Variants in FOCAD observed in about 807,000 individuals in gnomAD.
The protein encoded by FOCAD is KIAA1797.
In FOCAD, 198 loss-of-function variants were observed where a neutral mutation model predicts 225.6. That is an observed-to-expected ratio of 0.88 (90% CI 0.78 to 0.99). The LOEUF (loss-of-function observed/expected upper bound fraction) is 0.99. FOCAD is among the 50% of genes least tolerant of loss of function. The probability of loss-of-function intolerance (pLI) is 0.00; values close to 1 mark genes in which losing one functional copy is unlikely to be tolerated. For missense variants in FOCAD, 2,713 were observed against 2,123.6 expected, an observed-to-expected ratio of 1.28 and a Z score of -5.46; for synonymous variants, 897 against 755.0, an observed-to-expected ratio of 1.19 and a Z score of -3.08.
At chr9:20,987,061 C>G (rs1359027247) in intron 40 of FOCAD, among the ~76,000 whole-genome samples, 1 of 152,190 alleles carries the variant, frequency 6.6e-6, no homozygotes, top group African/African-American at 2.4e-5. Context: ...TTTACAATTT[C>G]TGGAGACTAC....
At chr9:20,832,058 T>C (rs1161012439) in intron 15 of FOCAD, among the ~76,000 whole-genome samples, 1 of 152,130 alleles carries the variant, frequency 6.6e-6, no homozygotes, top group Non-Finnish European at 1.5e-5. Flanking sequence ...GGTTGAGTAA[T>C]ACTGTGTTGT....
At chr9:20,708,688 A>T (rs1255084995) in intron 1 of FOCAD, among the ~76,000 whole-genome samples, 1 of 151,984 alleles carries the variant, frequency 6.6e-6, no homozygotes, top group East Asian at 1.9e-4. Context: ...GGATGGGCGG[A>T]TCACTTGAGC....
chr9:20,689,289 C>T (rs1020426977), intron 1 of FOCAD, among the ~76,000 whole-genome samples: 1 of 152,062 alleles, frequency 6.6e-6, no homozygotes, highest in Non-Finnish European at 1.5e-5. Context: ...ACTGGTGGTG[C>T]ATTCGATGAA....
At chr9:20,967,309 T>C (rs1213775448) in intron 35 of FOCAD, among the ~76,000 whole-genome samples, 1 of 152,158 alleles carries the variant, frequency 6.6e-6, no homozygotes, top group Non-Finnish European at 1.5e-5. Context: ...TAAATTTCTT[T>C]TTCAGATTAT....
At chr9:20,668,429 T>G (rs1821958827) in intron 2 of FOCAD, among the ~76,000 whole-genome samples, 1 of 152,214 alleles carries the variant, frequency 6.6e-6, no homozygotes, top group Non-Finnish European at 1.5e-5. Context: ...TATTATACTG[T>G]GCAATAAAAT....
intron 5 of FOCAD, among the ~76,000 whole-genome samples, chr9:20,755,118 C>A (rs1432512016): frequency 6.6e-6 from 1 of 152,118 alleles, no homozygotes; most frequent in Non-Finnish European, 1.5e-5. Flanking sequence ...CTTATACTTC[C>A]CTTTTCCCTC....
intron 1 of FOCAD, among the ~76,000 whole-genome samples, chr9:20,712,386 A>T (rs1223809315): frequency 6.6e-6 from 1 of 152,188 alleles, no homozygotes; most frequent in Non-Finnish European, 1.5e-5. Context: ...CAAGCTGGGC[A>T]TGGTGGCTCA....
intron 5 of FOCAD, among the ~76,000 whole-genome samples, chr9:20,745,328 G>A (rs531703987): frequency 3.9e-5 from 6 of 152,082 alleles, no homozygotes; most frequent in Non-Finnish European, 8.8e-5. Flanking sequence ...GAGCTCAAGC[G>A]ATCCACCTGC....
rs144386102 is a variant in FOCAD at position 20,781,887 on chromosome 9, G to A, written c.1155G>A (p.Leu385=). 3 of 1,613,976 alleles carry A rather than the reference G, an allele frequency of 1.9e-6. No individual in the cohort carries two copies. In the African/African-American group the frequency reaches 4.0e-5, roughly 22 times the overall value. The change falls in exon 10 of 44, where the codon TTG becomes TTA. Residue 385 remains leucine (L), a synonymous_variant. Coordinates refer to ENST00000338382, the MANE Select transcript of FOCAD (RefSeq NM_001375567.1). ...PSRQQLALNL[L]EMIQQECYRD... ...GGCAGCAGTTGGCTCTAAACCTTTT[G>A]GAAATGATACAGCAGGAATGTTACA...
At chr9:20,823,160 T>C (rs1348014656) in intron 15 of FOCAD, 45 bp downstream of exon 15, 1 of 1,574,648 alleles carries the variant, frequency 6.4e-7, no homozygotes, top group Non-Finnish European at 8.6e-7. Flanking sequence ...AGAAAATCTT[T>C]TATAAGGCAG....
Position 20,800,270 on chromosome 9 carries a change from T to C in FOCAD, c.1455+10662T>C, listed in dbSNP as rs539604112. Among the ~76,000 whole-genome samples the C allele has an allele frequency of 1.8e-4, 27 of 152,288 alleles. 1 individual carries two copies. The East Asian group carries it at 4.9e-3, about 27-fold the overall frequency. ...GGGTATCCCGACCTTTCTCTCTGGC[T>C]TCCCTTAACATTTTTTCCTTCATTT... On this transcript the variant is annotated intron_variant, in intron 11 of 43. Transcript: ENST00000338382.
chr9:20,832,506 A>G (rs1825601914), intron 15 of FOCAD, among the ~76,000 whole-genome samples: 1 of 152,066 alleles, frequency 6.6e-6, no homozygotes, highest in African/African-American at 2.4e-5. Context: ...TGGAGAATGG[A>G]GTAATCATCC....
chr9:20,847,259 A>G (rs1299092203), intron 15 of FOCAD, among the ~76,000 whole-genome samples: 2 of 152,030 alleles, frequency 1.3e-5, no homozygotes, highest in African/African-American at 4.8e-5. Flanking sequence ...TACACAACCA[A>G]TAATCTACTT....
chr9:20,677,590 G>A (rs1439934298), intron 2 of FOCAD, among the ~76,000 whole-genome samples: 1 of 152,054 alleles, frequency 6.6e-6, no homozygotes, highest in Non-Finnish European at 1.5e-5. Flanking sequence ...CATACAAATG[G>A]CCAATAGATA....
At chr9:20,799,889 T>TA (rs1821599048) in intron 11 of FOCAD, among the ~76,000 whole-genome samples, 1 of 152,148 alleles carries the variant, frequency 6.6e-6, no homozygotes, top group Non-Finnish European at 1.5e-5. Context: ...ATCCTGTCAT[T>TA]ATGATGTTAG....
intron 1 of FOCAD, among the ~76,000 whole-genome samples, chr9:20,701,249 T>C (rs1823917479): frequency 6.6e-6 from 1 of 152,236 alleles, no homozygotes; most frequent in Non-Finnish European, 1.5e-5. Context: ...GGCTTCCTTT[T>C]GATCTTCCTG....
At chr9:20,985,286 G>T (rs1841055944) in intron 39 of FOCAD, among the ~76,000 whole-genome samples, 2 of 152,160 alleles carry the variant, frequency 1.3e-5, no homozygotes, top group South Asian at 4.1e-4. Context: ...GAGTTTTGAA[G>T]ATCTTCCAAA....
chr9:20,779,777 A>G (rs1819184405), intron 9 of FOCAD, among the ~76,000 whole-genome samples: 1 of 152,134 alleles, frequency 6.6e-6, no homozygotes, highest in Non-Finnish European at 1.5e-5. Context: ...GTGCGAGATA[A>G]ATACTTATTG....
chr9:20,769,816 A>C (rs1273920089), intron 7 of FOCAD, among the ~76,000 whole-genome samples: 1 of 152,232 alleles, frequency 6.6e-6, no homozygotes, highest in Non-Finnish European at 1.5e-5. Context: ...GCCAGCAGTA[A>C]CAAAAACAGT....
Sources: gnomAD v4.1 joint callset for allele counts (sites outside exome capture counted in the v4.1 genomes callset) on GRCh38, gnomAD v4.1.1 for gene constraint, MANE v1.5 for transcripts, NCBI Gene and HGNC (gene_info 2026-07-23, HGNC 2026-07-21) for gene names.